The following PARP4 variants were observed in gnomAD, a reference collection of about 807,000 sequenced individuals.
PARP4 encodes poly(ADP-ribose) polymerase family member 4, also known as protein mono-ADP-ribosyltransferase PARP4.
Under a neutral mutation model 187.7 loss-of-function variants are expected in PARP4, and 120 were observed. The ratio of observed to expected loss-of-function variants is 0.64; its 90% confidence interval spans 0.55 to 0.74. The LOEUF is 0.74. Ranked by LOEUF, PARP4 falls within the 30% of genes least tolerant of loss-of-function variation. The pLI is 0.00. For synonymous variants in PARP4, 654 were observed against 740.9 expected (o/e 0.88, Z 1.90); for missense variants, 1,836 against 2,070.5 (o/e 0.89, Z 2.20).
rs1220215125 is a variant in PARP4, at chr13:24,459,090, T to A, written c.2378A>T (p.Tyr793Phe). Reference protein sequence around the residue: ...FSLTMSIEMPYVIEFIFSDTH... With the variant: ...FSLTMSIEMPFVIEFIFSDTH... ...ATCACTGAAAATGAATTCAATCACA[T>A]ACGGCATCTCAATAGACATAGTCAA... Residue 793 changes from tyrosine (Y) to phenylalanine (F), a missense_variant, in exon 20 of 34, where the codon TAT becomes TTT. By Grantham distance (22) the Tyr-to-Phe change is conservative. Coordinates refer to ENST00000381989, the MANE Select transcript of PARP4 (RefSeq NM_006437.4). 2.2e-5 allele frequency: 36 copies of A among 1,610,966 alleles called. No individual in the cohort carries two copies. Among genetic ancestry groups the A allele is most frequent in the Non-Finnish European group, 3.1e-5 (36 of 1,177,636 alleles).
intron 15 of PARP4, among the ~76,000 whole-genome samples, chr13:24,474,816 A>G (rs1872901582): frequency 6.6e-6 from 1 of 152,008 alleles, no homozygotes; most frequent in Non-Finnish European, 1.5e-5. Context: ...AACATCTAGA[A>G]GCTTCCATTT....
intron 1 of PARP4, among the ~76,000 whole-genome samples, chr13:24,508,936 T>C (rs1869854287): frequency 2.0e-5 from 3 of 152,226 alleles, no homozygotes; most frequent in Non-Finnish European, 4.4e-5. Context: ...CTATCAGATA[T>C]GGACCATAAA....
At chr13:24,469,784 A>T in intron 16 of PARP4, 110 bp downstream of exon 16, 1 of 1,113,856 alleles carries the variant, frequency 9.0e-7, no homozygotes, top group Non-Finnish European at 1.3e-6. Flanking sequence ...GTTTTATGAT[A>T]AGGCTGCTAC....
intron 32 of PARP4, among the ~76,000 whole-genome samples, 182 bp downstream of exon 32, chr13:24,431,195 T>C (rs1019621294): frequency 6.6e-6 from 1 of 152,198 alleles, no homozygotes; most frequent in Non-Finnish European, 1.5e-5. Flanking sequence ...TAATTAGTGG[T>C]AAAAATATGA....
chr13:24,452,486 C>A lies in PARP4; in HGVS notation c.2934G>T (p.Gly978=). Residue 978 remains glycine (G), a synonymous_variant, in exon 24 of 34, where the codon GGG becomes GGT. Transcript: ENST00000381989. ...GSRNILLVSD[G]HLQDESLTLQ... ...ATGTCAGGCTCTCATCCTGGAGGTG[C>A]CCATCAGACACCAGGAGGATGTTCC... 6.2e-7 allele frequency: 1 copy of A among 1,613,742 alleles called. No individual in the cohort carries two copies. Among genetic ancestry groups the A allele is most frequent in the African/African-American group, 1.3e-5 (1 of 75,024 alleles).
At chr13:24,457,011 C>T (rs568977941) in intron 20 of PARP4, among the ~76,000 whole-genome samples, 5 of 152,100 alleles carry the variant, frequency 3.3e-5, no homozygotes, top group South Asian at 4.2e-4. Flanking sequence ...TTGATTCACA[C>T]GGTCAAATAA....
intron 22 of PARP4, 85 bp downstream of exon 22, chr13:24,454,932 T>G (rs1593608670): frequency 1.1e-4 from 123 of 1,122,690 alleles, no homozygotes; most frequent in East Asian, 6.3e-4. Flanking sequence ...ACAGGCAGGG[T>G]CGGGTACCCA....
rs374670209 is a variant in PARP4 at position 24,510,990 on chromosome 13, G to A, written c.-2+1716C>T. ...TTGGTAGAGACAGGGTTCTTACTATGTTGCCAAGGCTGGTCACAAACTCCT... is the reference window on the plus strand; with the variant it reads ...TTGGTAGAGACAGGGTTCTTACTATATTGCCAAGGCTGGTCACAAACTCCT... On this transcript the variant is annotated intron_variant, in intron 1 of 33. Coordinates refer to ENST00000381989, the MANE Select transcript of PARP4 (RefSeq NM_006437.4). 3.3e-3 allele frequency among the ~76,000 whole-genome samples: 495 copies of A among 152,156 alleles called. 3 individuals are homozygous for A. The highest frequency in any genetic ancestry group is 0.011 in the African/African-American group (477 of 41,502).
Position 24,492,494 on chromosome 13 carries a change from A to T in PARP4, c.980T>A (p.Leu327Gln). ...GGGCATTGTGCCTTTGTGAGGTATC[A>T]GTCTGTAAAACTCTGTCATCATCTT... ...LQKMMTEFYRLIPHKGTMPKE... is the reference protein window; with the variant it reads ...LQKMMTEFYRQIPHKGTMPKE... Residue 327 changes from leucine (L) to glutamine (Q), a missense_variant, in exon 9 of 34, where the codon CTG becomes CAG. Around this residue, in one of 8 missense-constraint regions of PARP4, gnomAD observed 1,147 missense variants for 1,214.2 expected, o/e 0.94. Coordinates refer to ENST00000381989, the MANE Select transcript of PARP4 (RefSeq NM_006437.4). 6.2e-7 allele frequency: 1 copy of T among 1,614,050 alleles called. No individual in the cohort carries two copies. Among genetic ancestry groups the T allele is most frequent in the Non-Finnish European group, 8.5e-7 (1 of 1,179,904 alleles).
At chr13:24,446,206 C>A (rs1427529963) in intron 27 of PARP4, among the ~76,000 whole-genome samples, 1 of 152,170 alleles carries the variant, frequency 6.6e-6, no homozygotes, top group Non-Finnish European at 1.5e-5. Flanking sequence ...AATTTCCATG[C>A]ATAAATGCCA....
Position 24,427,903 on chromosome 13 carries a change from TTAA to T in PARP4, c.4847-1308_4847-1306del, listed in dbSNP as rs199531845. Among the ~76,000 whole-genome samples the T allele has an allele frequency of 3.2e-3, 493 of 152,248 alleles. 8 individuals carry two copies. The East Asian group carries it at 0.068, about 21-fold the overall frequency. On this transcript the variant is annotated intron_variant, in intron 32 of 33. Coordinates refer to ENST00000381989, the MANE Select transcript of PARP4 (RefSeq NM_006437.4). ...ATGTTAGACTAATTTTTAAGCAATA[TTAA>T]TAATAAGCAACATACAACTCCAAGA...
intron 3 of PARP4, 124 bp from the exon 4 acceptor site, chr13:24,500,506 T>A (rs758088284): frequency 9.7e-6 from 5 of 516,022 alleles, no homozygotes; most frequent in Non-Finnish European, 1.7e-5. Flanking sequence ...ATTTTGGTGA[T>A]CAAAGGATAA....
rs375250080 is a variant in PARP4 at position 24,501,689 on chromosome 13, T to A, written c.278A>T (p.Asp93Val). The change falls in exon 3 of 34, where the codon GAT becomes GTT. Residue 93 changes from aspartate (D) to valine (V), a missense_variant. Transcript: ENST00000381989. The part of the protein sequence containing the change: ...EKRLLDVKNY[D>V]PYKPLDITPP... ...TGTGATGTCCAGGGGCTTATAAGGA[T>A]CATAATTCTTTACATCCAAGAGTCT... The A allele has an allele frequency of 6.8e-6, 11 of 1,613,368 alleles. No individual in the cohort carries two copies. Among genetic ancestry groups the A allele is most frequent in the Non-Finnish European group, 9.3e-6 (11 of 1,179,562 alleles).
chr13:24,495,894 C>T (rs913977144), intron 6 of PARP4, among the ~76,000 whole-genome samples: 8 of 152,214 alleles, frequency 5.3e-5, no homozygotes, highest in African/African-American at 9.6e-5. Context: ...AAATCCTCTT[C>T]AGCAGAACGG....
intron 9 of PARP4, among the ~76,000 whole-genome samples, chr13:24,491,318 C>T (rs1187268949): frequency 1.3e-5 from 2 of 152,122 alleles, no homozygotes; most frequent in African/African-American, 4.8e-5. Context: ...GATGGGGTTT[C>T]ACCATGTTGG....
In PARP4 at chr13:24,452,413, C is replaced by T. The variant is rs373274417; in HGVS notation, c.3007G>A (p.Gly1003Ser). ...CAGCTCTCTGAGACTCACCCGATAC[C>T]GCAGGCGAATAACCTGGTGTGCGGG... ...SRPHTRLFAC[G>S]IGSTANRHVL... Residue 1003 changes from glycine (G) to serine (S), a missense_variant, in exon 24 of 34, where the codon GGT becomes AGT. Around this residue, in one of 8 missense-constraint regions of PARP4, gnomAD observed 1,147 missense variants for 1,214.2 expected, o/e 0.94. Transcript: ENST00000381989. The T allele has an allele frequency of 9.9e-6, 16 of 1,611,740 alleles. No homozygotes were observed. The highest frequency in any genetic ancestry group is 4.0e-5 in the African/African-American group (3 of 74,886).
In PARP4 at chr13:24,492,018, T is replaced by C. The variant is rs1468179951; in HGVS notation, c.1053+403A>G. On this transcript the variant is annotated intron_variant, in intron 9 of 33. Coordinates refer to ENST00000381989, the MANE Select transcript of PARP4 (RefSeq NM_006437.4). Reference sequence around the variant, plus strand: ...AAGGAGGCTGGGACCCTGATAACACTGACACACTGAGTCTCGGGGTGACCT... The same window carrying C: ...AAGGAGGCTGGGACCCTGATAACACCGACACACTGAGTCTCGGGGTGACCT... Among the ~76,000 whole-genome samples, 12 of 152,200 alleles carry C rather than the reference T, an allele frequency of 7.9e-5. 4 individuals are homozygous for C. Among genetic ancestry groups the C allele is most frequent in the Admixed American group, 7.9e-4 (12 of 15,284 alleles).
At position 24,506,872 on chromosome 13, in the gene PARP4, C is replaced by T. The variant is rs77347282; in HGVS notation, c.-1-3095G>A. On this transcript the variant is annotated intron_variant, in intron 1 of 33. Coordinates refer to ENST00000381989, the MANE Select transcript of PARP4 (RefSeq NM_006437.4). Reference sequence around the variant, plus strand: ...GGACCGGGCGCCGGCCGCGCTCCTGCGGGACGCTCGTGCTGCGCAGGAGCC... The same window carrying T: ...GGACCGGGCGCCGGCCGCGCTCCTGTGGGACGCTCGTGCTGCGCAGGAGCC... Among the ~76,000 whole-genome samples the T allele has an allele frequency of 8.4e-4, 128 of 152,268 alleles. 1 individual carries two copies. Among genetic ancestry groups the T allele is most frequent in the Non-Finnish European group, 1.3e-3 (89 of 68,006 alleles).
intron 30 of PARP4, among the ~76,000 whole-genome samples, chr13:24,436,137 G>A (rs1870628370): frequency 6.6e-6 from 1 of 152,162 alleles, no homozygotes; most frequent in Admixed American, 6.5e-5. Flanking sequence ...GAGGAGCACA[G>A]AAGTGACTTG....
Sources: gnomAD v4.1 joint callset for allele counts (sites outside exome capture counted in the v4.1 genomes callset) on GRCh38, gnomAD v4.1.1 for gene constraint, gnomAD v4.1.1 regional missense constraint, MANE v1.5 for transcripts, NCBI Gene and HGNC (gene_info 2026-07-23, HGNC 2026-07-21) for gene names.